AGPAT3: variants seen among roughly 807,000 people sequenced by gnomAD.
The protein encoded by AGPAT3 is 1-acylglycerol-3-phosphate O-acyltransferase 3.
AGPAT3 carries 5 observed loss-of-function variants against 47.3 expected under a neutral mutation model. That is an observed-to-expected ratio of 0.11 (90% CI 0.06 to 0.22). The LOEUF is 0.22. Among genes scored for constraint, AGPAT3 ranks in the 10% least tolerant of loss-of-function variants. The pLI, the probability that AGPAT3 is intolerant of heterozygous loss-of-function variation, is 1.00. For synonymous variants in AGPAT3, 212 were observed against 208.3 expected (o/e 1.02, Z -0.15); for missense variants, 315 against 493.0 (o/e 0.64, Z 3.42).
rs1046699627 is a variant in AGPAT3 at position 43,959,729 on chromosome 21, G to A, written c.48G>A (p.Leu16=). ...AGACCCAGTTCGTGCTGCACCTGCTGGTCGGCTTTGTCTTCGTGGTGAGTG... is the reference window on the plus strand; with the variant it reads ...AGACCCAGTTCGTGCTGCACCTGCTAGTCGGCTTTGTCTTCGTGGTGAGTG... ...FLKTQFVLHL[L]VGFVFVVSGL... is the part of the protein sequence containing the mutation. The change falls in exon 3 of 10, where the codon CTG becomes CTA. Residue 16 remains leucine, a synonymous_variant. Transcript: ENST00000291572. 1.9e-6 allele frequency: 3 copies of A among 1,613,860 alleles called. No individual in the cohort carries two copies. Among genetic ancestry groups the A allele is most frequent in the Non-Finnish European group, 2.5e-6 (3 of 1,179,950 alleles).
In AGPAT3 at chr21:43,981,826, G is replaced by T. The variant is rs1049327694; in HGVS notation, c.1043-478G>T. Among the ~76,000 whole-genome samples the T allele has an allele frequency of 6.6e-6, 1 of 151,882 alleles. No individual in the cohort carries two copies. On this transcript the variant is annotated intron_variant, in intron 9 of 9. Transcript: ENST00000291572. The surrounding 1 kb of genome is among the most constrained non-coding windows in gnomAD (Gnocchi z 5.3). The stretch of plus-strand genomic sequence containing the variant: ...CCCCTGCTCCTGCCGCCCCTGCCAG[G>T]GGCCTTGGTGGGAGGGGTCCTGAGA...
chr21:43,899,342 G>T (rs929634953), intron 1 of AGPAT3, among the ~76,000 whole-genome samples: 1 of 152,126 alleles, frequency 6.6e-6, no homozygotes, highest in African/African-American at 2.4e-5. Context: ...TCCTTTGAAG[G>T]TAGTCTCCCT....
intron 3 of AGPAT3, among the ~76,000 whole-genome samples, chr21:43,963,806 A>T (rs1234135236): frequency 6.6e-6 from 1 of 152,072 alleles, no homozygotes; most frequent in African/African-American, 2.4e-5. Flanking sequence ...GGCCGACAGC[A>T]GATTTCTTAC....
chr21:43,977,679 C>T (rs1189483762), intron 7 of AGPAT3, among the ~76,000 whole-genome samples: 1 of 151,958 alleles, frequency 6.6e-6, no homozygotes, highest in East Asian at 1.9e-4. Flanking sequence ...AGATCGAGAC[C>T]ATCCTGGTCA....
chr21:43,934,153 C>T lies in AGPAT3; in HGVS notation c.-48-25481C>T, dbSNP rs891423628. On this transcript the variant is annotated intron_variant, in intron 2 of 9. Coordinates refer to ENST00000291572, the MANE Select transcript of AGPAT3 (RefSeq NM_020132.5). The surrounding 1 kb of genome is among the most constrained non-coding windows in gnomAD (Gnocchi z 4.7). ...AACAGGCAGACATGGGTGCCCGGCA[C>T]GCCAGCTCCCCGAGCACCAGCTCCC... Among the ~76,000 whole-genome samples the T allele has an allele frequency of 6.6e-6, 1 of 152,188 alleles. No homozygotes were observed. The highest frequency in any genetic ancestry group is 6.5e-5 in the Admixed American group (1 of 15,278).
chr21:43,889,589 G>A (rs762200754), intron 1 of AGPAT3, among the ~76,000 whole-genome samples: 2 of 152,136 alleles, frequency 1.3e-5, no homozygotes, highest in Non-Finnish European at 2.9e-5. Flanking sequence ...TAAATATCAC[G>A]ATAAAGTGAG....
intron 2 of AGPAT3, among the ~76,000 whole-genome samples, chr21:43,949,961 G>A (rs529772162): frequency 6.6e-5 from 10 of 152,300 alleles, no homozygotes; most frequent in Non-Finnish European, 1.3e-4. Context: ...CCTACTTGCC[G>A]TAGAGGACAG....
chr21:43,910,436 G>A (rs1265851700), intron 2 of AGPAT3, among the ~76,000 whole-genome samples: 1 of 152,230 alleles, frequency 6.6e-6, no homozygotes, highest in African/African-American at 2.4e-5. Flanking sequence ...AGTGAATTAG[G>A]TGAAGTCCTA....
chr21:43,893,554 A>G (rs890778754), intron 1 of AGPAT3, among the ~76,000 whole-genome samples: 8 of 152,258 alleles, frequency 5.3e-5, no homozygotes, highest in East Asian at 1.9e-4. Flanking sequence ...CTTTCGGCCT[A>G]TCTCGGCTTT....
At chr21:43,958,834 G>GGT (rs2088635051) in intron 2 of AGPAT3, among the ~76,000 whole-genome samples, 1 of 148,176 alleles carries the variant, frequency 6.7e-6, no homozygotes, top group South Asian at 2.2e-4. Context: ...TGTGATGTGT[G>GGT]GTGTGTGTGG....
At position 43,985,149 on chromosome 21, in the gene AGPAT3, T is replaced by C. The variant is rs767647587; in HGVS notation, c.*2757T>C. On this transcript the variant is annotated 3_prime_UTR_variant, in exon 10 of 10. Coordinates refer to ENST00000291572, the MANE Select transcript of AGPAT3 (RefSeq NM_020132.5). ...CTGGGGACGCCGCTGGCCTCCCAGC[T>C]TAGGCCCAGGTGCCAGGTGTCATGG... is the stretch of plus-strand genomic sequence containing the variant. 3.7e-5 allele frequency: 17 copies of C among 456,196 alleles called. No homozygotes were observed. Among genetic ancestry groups the C allele is most frequent in the Non-Finnish European group, 6.2e-5 (14 of 226,982 alleles). 28.3% of individuals were successfully genotyped at this position (456,196 alleles called of 1,614,324 possible).
chr21:43,982,435 C>T lies in AGPAT3; in HGVS notation c.*43C>T, dbSNP rs764359759. On this transcript the variant is annotated 3_prime_UTR_variant, in exon 10 of 10. Transcript: ENST00000291572. The surrounding 1 kb of genome is among the most constrained non-coding windows in gnomAD (Gnocchi z 6.2). ...ACACACGCGGCCCTGACGGTGGTATCCAGTTAACTCAAAACCAACACACAG... is the reference window on the plus strand; with the variant it reads ...ACACACGCGGCCCTGACGGTGGTATTCAGTTAACTCAAAACCAACACACAG... 7.0e-6 allele frequency: 10 copies of T among 1,438,346 alleles called. No individual in the cohort carries two copies. Among genetic ancestry groups the T allele is most frequent in the Non-Finnish European group, 7.8e-6 (8 of 1,024,904 alleles). 89.1% of individuals were successfully genotyped at this position (1,438,346 alleles called of 1,614,324 possible).
intron 2 of AGPAT3, among the ~76,000 whole-genome samples, chr21:43,951,895 C>T (rs186659006): frequency 7.9e-5 from 12 of 152,170 alleles, no homozygotes; most frequent in South Asian, 6.2e-4. Context: ...AAGGCGTCTT[C>T]GGAAAGGTTG....
At chr21:43,961,932 A>G (rs1418122557) in intron 3 of AGPAT3, among the ~76,000 whole-genome samples, 1 of 151,998 alleles carries the variant, frequency 6.6e-6, no homozygotes, top group Non-Finnish European at 1.5e-5. Flanking sequence ...CTGCAGAGAG[A>G]CTAGTAACCC....
At chr21:43,975,234 T>G (rs1423342440) in intron 7 of AGPAT3, among the ~76,000 whole-genome samples, 1 of 134,770 alleles carries the variant, frequency 7.4e-6, no homozygotes, top group Admixed American at 7.8e-5. Flanking sequence ...TGTGGTAATG[T>G]TTTGGTGTGT....
At chr21:43,938,024 A>G (rs1463672956) in intron 2 of AGPAT3, among the ~76,000 whole-genome samples, 1 of 152,014 alleles carries the variant, frequency 6.6e-6, no homozygotes, top group African/African-American at 2.4e-5. Context: ...GGGAGGAGGA[A>G]GCAGCTCACA....
At chr21:43,979,335 GAA>G (rs66531037) in intron 8 of AGPAT3, among the ~76,000 whole-genome samples, 75 of 136,634 alleles carry the variant, frequency 5.5e-4, no homozygotes, top group Non-Finnish European at 1.0e-3. Flanking sequence ...AAAAAAGAAA[GAA>G]AAAAAAAAAG....
chr21:43,969,520 CG>C (rs768072924), intron 5 of AGPAT3, among the ~76,000 whole-genome samples: 27 of 152,150 alleles, frequency 1.8e-4, no homozygotes, highest in Non-Finnish European at 3.2e-4. Context: ...GGGATCTGGC[CG>C]GGGGAGGGGG....
chr21:43,943,374 G>A (rs145596189), intron 2 of AGPAT3, among the ~76,000 whole-genome samples: 7 of 152,162 alleles, frequency 4.6e-5, no homozygotes, highest in East Asian at 1.9e-4. Context: ...GCGCCCACCC[G>A]GGACATCATT....
Sources: gnomAD v4.1 joint callset for allele counts (sites outside exome capture counted in the v4.1 genomes callset) on GRCh38, gnomAD v4.1.1 for gene constraint, Gnocchi (gnomAD v3.1) non-coding constraint, MANE v1.5 for transcripts, NCBI Gene and HGNC (gene_info 2026-07-23, HGNC 2026-07-21) for gene names.